The following TLK1 variants were observed in gnomAD, a reference collection of about 807,000 sequenced individuals.
The protein encoded by TLK1 is tousled like kinase 1, also known as serine/threonine-protein kinase tousled-like 1.
Under a neutral mutation model 105.3 loss-of-function variants are expected in TLK1, and 24 were observed. That is an observed-to-expected ratio of 0.23 (90% CI 0.17 to 0.32). TLK1 has a LOEUF of 0.32. Among genes scored for constraint, TLK1 ranks in the 10% least tolerant of loss-of-function variants. TLK1 has a pLI of 1.00. For synonymous variants in TLK1, 321 were observed against 310.4 expected (o/e 1.03, Z -0.36); for missense variants, 558 against 910.5 (o/e 0.61, Z 4.98).
intron 14 of TLK1, 43 bp downstream of exon 14, chr2:171,011,330 T>C: frequency 6.5e-7 from 1 of 1,534,428 alleles, no homozygotes. Flanking sequence ...TCCTATATCC[T>C]TGCTACATTA....
intron 1 of TLK1, among the ~76,000 whole-genome samples, chr2:171,179,249 T>C (rs1692885289): frequency 1.3e-5 from 2 of 152,252 alleles, no homozygotes; most frequent in African/African-American, 4.8e-5. Context: ...TTATTCTAAA[T>C]TACAGGGCAC....
intron 4 of TLK1, among the ~76,000 whole-genome samples, chr2:171,058,537 T>A (rs368828587): frequency 2.0e-5 from 3 of 152,278 alleles, no homozygotes; most frequent in Non-Finnish European, 2.9e-5. Context: ...AACCATAACA[T>A]GATTCCTGTC....
intron 3 of TLK1, among the ~76,000 whole-genome samples, chr2:171,068,614 C>T (rs1688120797): frequency 6.6e-6 from 1 of 152,096 alleles, no homozygotes; most frequent in African/African-American, 2.4e-5. Flanking sequence ...TGGAAAAAGA[C>T]CAAAGGAATC....
chr2:171,009,291 CTTTTTT>C (rs71008743), intron 14 of TLK1, among the ~76,000 whole-genome samples: 32 of 74,842 alleles, frequency 4.3e-4, no homozygotes, highest in Non-Finnish European at 5.7e-4. Flanking sequence ...ATTTCTTTTC[CTTTTTT>C]TTTTTTTTTT....
intron 1 of TLK1, among the ~76,000 whole-genome samples, chr2:171,168,896 C>T (rs1692666290): frequency 6.6e-6 from 1 of 152,086 alleles, no homozygotes; most frequent in African/African-American, 2.4e-5. Flanking sequence ...GCCTGGCCAA[C>T]ATGGTGAAAC....
In TLK1 at chr2:171,080,570, A is replaced by ATAATAATAC. The variant is rs1444070781; in HGVS notation, c.330+2210_330+2211insGTATTATTA. On this transcript the variant is annotated intron_variant, in intron 3 of 20. Transcript: ENST00000431350. ...AATAATAATAATAATAATAATAATA[A>ATAATAATAC]TAATGGTAATAGTAATTATTTCTTT... Among the ~76,000 whole-genome samples the ATAATAATAC allele has an allele frequency of 1.9e-4, 28 of 149,752 alleles. 1 individual carries two copies. The East Asian group carries it at 5.0e-3, about 27-fold the overall frequency.
At chr2:171,163,266 G>A (rs755423247), upstream of TLK1, among the ~76,000 whole-genome samples, 10 of 152,140 alleles carry the variant, frequency 6.6e-5, no homozygotes, top group Non-Finnish European at 1.0e-4. Flanking sequence ...TGGCTGTTAC[G>A]AATAATGCTG....
upstream of TLK1, among the ~76,000 whole-genome samples, chr2:171,163,784 G>A (rs189330431): frequency 6.6e-6 from 1 of 151,778 alleles, no homozygotes; most frequent in South Asian, 2.1e-4. Flanking sequence ...GGAGTGCAGT[G>A]GTGCAATCTT....
Position 170,993,033 on chromosome 2 carries a change from A to C in TLK1, c.*747T>G, listed in dbSNP as rs1324932192. Reference sequence around the variant, plus strand: ...CCTGTTATCAATTCTAACGTGTTGAAAACACTGGCAATATTATAATTTAGT... The same window carrying C: ...CCTGTTATCAATTCTAACGTGTTGACAACACTGGCAATATTATAATTTAGT... On this transcript the variant is annotated 3_prime_UTR_variant, in exon 21 of 21. Transcript: ENST00000431350. 1 of 152,660 alleles carries C rather than the reference A, an allele frequency of 6.6e-6. No individual in the cohort carries two copies. Among genetic ancestry groups the C allele is most frequent in the Non-Finnish European group, 1.5e-5 (1 of 68,040 alleles). 9.5% of individuals were successfully genotyped at this position (152,660 alleles called of 1,614,324 possible).
intron 1 of TLK1, among the ~76,000 whole-genome samples, chr2:171,194,190 A>C (rs1487934609): frequency 6.6e-6 from 1 of 152,214 alleles, no homozygotes; most frequent in Admixed American, 6.5e-5. Flanking sequence ...ATCTGTGAAC[A>C]CAACACTTAG....
chr2:171,150,851 G>T (rs943727309), intron 1 of TLK1, among the ~76,000 whole-genome samples: 1 of 152,062 alleles, frequency 6.6e-6, no homozygotes, highest in Non-Finnish European at 1.5e-5. Flanking sequence ...TTGTTATTAC[G>T]TGTAACCAAA....
chr2:171,154,863 C>G (rs1692173782), intron 1 of TLK1, among the ~76,000 whole-genome samples: 3 of 152,146 alleles, frequency 2.0e-5, no homozygotes, highest in Admixed American at 1.3e-4. Context: ...TTATTACTTA[C>G]TACACTTATT....
At chr2:171,209,135 C>T (rs6713640) in intron 1 of TLK1, among the ~76,000 whole-genome samples, 42,243 of 151,850 alleles carry the variant, frequency 0.28, 6,784 homozygotes, top group South Asian at 0.45. Flanking sequence ...TGCAGCACAG[C>T]GTAAATAGTG....
intron 1 of TLK1, among the ~76,000 whole-genome samples, chr2:171,206,721 C>T (rs993315973): frequency 3.3e-5 from 5 of 152,168 alleles, no homozygotes; most frequent in Admixed American, 6.5e-5. Flanking sequence ...GTCCCCTTGA[C>T]GTGAGGAAAA....
rs1683829156 is a variant in TLK1, at chr2:170,992,584, A to G, written c.*1196T>C. 6.6e-6 allele frequency: 1 copy of G among 152,626 alleles called. No individual in the cohort carries two copies. The highest frequency in any genetic ancestry group is 6.5e-5 in the Admixed American group (1 of 15,286). 9.5% of individuals were successfully genotyped at this position (152,626 alleles called of 1,614,324 possible). A position where few individuals can be genotyped will look rare whatever the true frequency, so the allele number is the denominator to read the frequency against. On this transcript the variant is annotated 3_prime_UTR_variant, in exon 21 of 21. Transcript: ENST00000431350. ...ACCATGAACAAATTAAAAATCTAGT[A>G]TCTATGTGTTCTACAGCCCTAGAAC... is the stretch of plus-strand genomic sequence containing the variant.
intron 1 of TLK1, among the ~76,000 whole-genome samples, chr2:171,132,566 G>C (rs1016146546): frequency 1.3e-5 from 2 of 152,136 alleles, no homozygotes; most frequent in East Asian, 3.8e-4. Context: ...AGTTTTTTAA[G>C]TTTCTTTACA....
intron 1 of TLK1, among the ~76,000 whole-genome samples, chr2:171,219,548 T>C (rs976001091): frequency 1.6e-4 from 24 of 152,034 alleles, no homozygotes; most frequent in African/African-American, 5.8e-4. Flanking sequence ...GCCAATGTCT[T>C]GTATTTTCAC....
At chr2:171,040,807 G>A (rs1686639102) in intron 11 of TLK1, among the ~76,000 whole-genome samples, 1 of 151,744 alleles carries the variant, frequency 6.6e-6, no homozygotes, top group East Asian at 1.9e-4. Context: ...AAACTCCTAG[G>A]CTCAAGTGAT....
At chr2:171,100,682 A>C (rs1195426079) in intron 2 of TLK1, among the ~76,000 whole-genome samples, 1 of 152,182 alleles carries the variant, frequency 6.6e-6, no homozygotes, top group Non-Finnish European at 1.5e-5. Flanking sequence ...ATAAGTGTTG[A>C]CAGGGATGTG....
Sources: allele counts gnomAD v4.1 joint callset (sites outside exome capture counted in the v4.1 genomes callset), GRCh38; gene constraint gnomAD v4.1.1; transcripts MANE v1.5; gene names NCBI Gene and HGNC (gene_info 2026-07-23, HGNC 2026-07-21).